The following SLC1A7 variants were observed in gnomAD, a reference collection of about 807,000 sequenced individuals.
SLC1A7 encodes the protein solute carrier family 1 member 7.
SLC1A7 carries 40 observed loss-of-function variants against 47.7 expected under a neutral mutation model. That is an observed-to-expected ratio of 0.84 (90% CI 0.65 to 1.09). The LOEUF (loss-of-function observed/expected upper bound fraction) is 1.09, where lower values mean the gene tolerates loss of function less well. SLC1A7 is among the 50% of genes least tolerant of loss of function. SLC1A7 has a pLI of 0.00. For missense variants in SLC1A7, 746 were observed against 769.5 expected (o/e 0.97, Z 0.36); for synonymous variants, 323 against 325.6 (o/e 0.99, Z 0.09).
chr1:53,121,065 C>T (rs1441810737), intron 2 of SLC1A7, among the ~76,000 whole-genome samples: 1 of 152,238 alleles, frequency 6.6e-6, no homozygotes, highest in Non-Finnish European at 1.5e-5. Context: ...GATAAGTACG[C>T]ACTGCATTTC....
intron 1 of SLC1A7, among the ~76,000 whole-genome samples, chr1:53,138,166 T>C (rs1645019702): frequency 6.6e-6 from 1 of 152,210 alleles, no homozygotes; most frequent in Non-Finnish European, 1.5e-5. Context: ...GCTTAAGATG[T>C]TCAAAGCCAT....
At chr1:53,115,098 C>T (rs140883951) in intron 2 of SLC1A7, 125 bp from the exon 3 acceptor site, 95 of 717,406 alleles carry the variant, frequency 1.3e-4, no homozygotes, top group Middle Eastern at 3.7e-4. Context: ...CCCCATTCTT[C>T]CAACAATCCA....
chr1:53,114,459 C>T, intron 3 of SLC1A7: 1 of 430,462 alleles, frequency 2.3e-6, no homozygotes, highest in Non-Finnish European at 4.2e-6. Context: ...AGGGAGGGGC[C>T]AATAACAGCC....
intron 2 of SLC1A7, among the ~76,000 whole-genome samples, chr1:53,129,497 C>CATAGATG (rs1644917841): frequency 8.9e-6 from 1 of 112,370 alleles, no homozygotes; most frequent in Non-Finnish European, 1.9e-5. Flanking sequence ...GTGGGCTGCA[C>CATAGATG]TCAGTTGGAC....
chr1:53,093,678 C>G (rs545715586), intron 5 of SLC1A7, 118 bp from the exon 6 acceptor site: 36 of 692,502 alleles, frequency 5.2e-5, no homozygotes, highest in Non-Finnish European at 8.4e-5. Context: ...CCCACTCCCC[C>G]CACTCTCTCT....
At chr1:53,098,259 G>T (rs1226492532) in intron 5 of SLC1A7, among the ~76,000 whole-genome samples, 1 of 147,736 alleles carries the variant, frequency 6.8e-6, no homozygotes, top group Middle Eastern at 3.7e-3. Flanking sequence ...CCCTGCCTCG[G>T]TACACTCACA....
At chr1:53,140,199 G>A (rs1645042661) in intron 1 of SLC1A7, among the ~76,000 whole-genome samples, 1 of 152,214 alleles carries the variant, frequency 6.6e-6, no homozygotes, top group Admixed American at 6.5e-5. Flanking sequence ...TTATCTGGCA[G>A]GTTAATCCAG....
intron 2 of SLC1A7, among the ~76,000 whole-genome samples, chr1:53,124,962 T>C (rs1290141395): frequency 6.6e-6 from 1 of 152,194 alleles, no homozygotes; most frequent in Non-Finnish European, 1.5e-5. Context: ...TTTATTTTTG[T>C]GGAAGATACT....
rs113994340 is a variant in SLC1A7, at chr1:53,091,961, A to C, written c.1031+593T>G. Among the ~76,000 whole-genome samples, 1,340 of 152,342 alleles carry C rather than the reference A, an allele frequency of 8.8e-3. 9 individuals are homozygous for C. The highest frequency in any genetic ancestry group is 0.014 in the Non-Finnish European group (933 of 68,020). On this transcript the variant is annotated intron_variant, in intron 7 of 10. Coordinates refer to ENST00000371494, the MANE Select transcript of SLC1A7 (RefSeq NM_006671.6). ...GCTGAGGTTTGGGATCCTTAAGGCC[A>C]AGTGCTGGTTCACCTGGCCCAGCCT...
chr1:53,133,946 A>G (rs944293262), intron 2 of SLC1A7, among the ~76,000 whole-genome samples: 2 of 152,290 alleles, frequency 1.3e-5, no homozygotes, highest in East Asian at 1.9e-4. Flanking sequence ...AGGTGAGGTA[A>G]TATGTCCAAG....
chr1:53,114,998 C>T (rs1275229848), intron 2 of SLC1A7, 25 bp from the exon 3 acceptor site: 1 of 1,588,166 alleles, frequency 6.3e-7, no homozygotes, highest in Admixed American at 1.7e-5. Context: ...GGGTCAGGGG[C>T]TGTGGTGGGG....
chr1:53,096,109 T>C (rs1644486630), intron 5 of SLC1A7, among the ~76,000 whole-genome samples: 1 of 139,920 alleles, frequency 7.1e-6, no homozygotes, highest in Non-Finnish European at 1.5e-5. Flanking sequence ...CCCACCTCAT[T>C]ACACTCACAC....
At chr1:53,092,533 C>A in intron 7 of SLC1A7, 21 bp downstream of exon 7, 1 of 1,573,194 alleles carries the variant, frequency 6.4e-7, no homozygotes, top group Non-Finnish European at 8.7e-7. Context: ...TCCCCACCGT[C>A]CTGCCCGTCC....
In SLC1A7 at chr1:53,088,369, G is replaced by A. The variant is rs761039549; in HGVS notation, c.1465-142C>T. On this transcript the variant is annotated intron_variant, in intron 10 of 10. Coordinates refer to ENST00000371494, the MANE Select transcript of SLC1A7 (RefSeq NM_006671.6). ...TCCTGCAGACACGCTGTGTGACCTC[G>A]GCAGGTCACGGCCTCCCTGGGCTCC... The A allele has an allele frequency of 8.7e-5, 56 of 641,788 alleles. 2 individuals are homozygous for A. In the South Asian group the frequency reaches 1.0e-3, roughly 12 times the overall value. The allele number at this position is 641,788 out of a possible 1,614,324, so 39.8% of individuals were successfully genotyped here.
chr1:53,096,045 C>T (rs1170884701), intron 5 of SLC1A7, among the ~76,000 whole-genome samples: 4 of 149,692 alleles, frequency 2.7e-5, no homozygotes, highest in Admixed American at 6.6e-5. Flanking sequence ...CAACTCGCCT[C>T]GGTACACTCA....
Position 53,088,217 on chromosome 1 carries a change from G to A in SLC1A7, c.1475C>T (p.Pro492Leu). Residue 492 changes from proline to leucine, a missense_variant, in exon 11 of 11, where the codon CCC becomes CTC. By Grantham distance (98) the Pro-to-Leu change is moderately conservative (BLOSUM62 -3). Transcript: ENST00000371494. Reference sequence around the variant, plus strand: ...GAGGCTCACTGGCTTGGTCTCGCAGGGCAGCAGTTTCTGGTGAAGGGAAAC... The same window carrying A: ...GAGGCTCACTGGCTTGGTCTCGCAGAGCAGCAGTTTCTGGTGAAGGGAAAC... The part of the protein sequence containing the change: ...ARDTGTEKLL[P>L]CETKPVSLQE... 1.2e-6 allele frequency: 2 copies of A among 1,607,716 alleles called. No individual in the cohort carries two copies. Among genetic ancestry groups the A allele is most frequent in the African/African-American group, 1.3e-5 (1 of 74,930 alleles).
intron 5 of SLC1A7, among the ~76,000 whole-genome samples, chr1:53,098,996 C>T (rs1370459273): frequency 3.3e-5 from 5 of 150,722 alleles, no homozygotes; most frequent in Non-Finnish European, 7.4e-5. Context: ...ACTCACACAC[C>T]ACCTCTCATT....
rs1011240211 is a variant in SLC1A7 at position 53,094,630 on chromosome 1, G to A, written c.698-1070C>T. The stretch of plus-strand genomic sequence containing the variant: ...AGTGAGGTGAGGGCCCTGCCAGGGT[G>A]GGTAGGAGAGGCTGGAGTTGGAGGT... On this transcript the variant is annotated intron_variant, in intron 5 of 10. Coordinates refer to ENST00000371494, the MANE Select transcript of SLC1A7 (RefSeq NM_006671.6). Among the ~76,000 whole-genome samples, 41 of 152,320 alleles carry A rather than the reference G, an allele frequency of 2.7e-4. 1 individual carries two copies. Among genetic ancestry groups the A allele is most frequent in the African/African-American group, 9.4e-4 (39 of 41,578 alleles).
intron 5 of SLC1A7, among the ~76,000 whole-genome samples, chr1:53,101,392 C>T (rs561752944): frequency 6.7e-6 from 1 of 148,862 alleles, no homozygotes; most frequent in Non-Finnish European, 1.5e-5. Context: ...CCCCATTACA[C>T]TCACACACAC....
Sources: allele counts gnomAD v4.1 joint callset (sites outside exome capture counted in the v4.1 genomes callset), GRCh38; gene constraint gnomAD v4.1.1; transcripts MANE v1.5; gene names NCBI Gene and HGNC (gene_info 2026-07-23, HGNC 2026-07-21).